Variants in ERAP1 observed in about 807,000 individuals in gnomAD.
The protein encoded by ERAP1 is endoplasmic reticulum aminopeptidase 1.
A neutral mutation model predicts 103.7 loss-of-function variants in ERAP1; 86 were observed. The ratio of observed to expected loss-of-function variants is 0.83; its 90% CI spans 0.70 to 0.99. The LOEUF is 0.99. Among genes scored for constraint, ERAP1 ranks in the 50% least tolerant of loss-of-function variants. The pLI is 0.00. For synonymous variants in ERAP1, 398 were observed against 402.4 expected (o/e 0.99, Z 0.13); for missense variants, 1,009 against 1,128.4 (o/e 0.89, Z 1.52).
At chr5:96,867,327 G>A in the ERAP1 span, among the ~76,000 whole-genome samples, 4 of 152,044 alleles carry the variant, frequency 2.6e-5, no homozygotes, top group Non-Finnish European at 5.9e-5. Flanking sequence ...ATTATACCCT[G>A]TGCTTTAGTT....
At chr5:96,856,681 A>G in the ERAP1 span, among the ~76,000 whole-genome samples, 29 of 152,100 alleles carry the variant, frequency 1.9e-4, no homozygotes, top group Non-Finnish European at 3.8e-4. Flanking sequence ...CTTTGGCCAT[A>G]GATCCCTGAC....
In ERAP1 at chr5:96,803,612, G is replaced by A. The variant is rs1218981413; in HGVS notation, c.315C>T (p.Ala105=). The change falls in exon 2 of 19, where the codon GCC becomes GCT. Residue 105 remains alanine, a synonymous_variant. Coordinates refer to ENST00000443439, the MANE Select transcript of ERAP1 (RefSeq NM_001040458.3). ...TCTCTCCAGCTCCCTTCCTGAGGGT[G>A]GCCCTAGATATCTGCAGGTGGTGAC... The part of the protein sequence containing the change: ...LHSHHLQISR[A]TLRKGAGERL... The A allele has an allele frequency of 6.2e-7, 1 of 1,614,182 alleles. No individual in the cohort carries two copies. Among genetic ancestry groups the A allele is most frequent in the Non-Finnish European group, 8.5e-7 (1 of 1,180,034 alleles).
intron 18 of ERAP1, chr5:96,776,935 A>G (rs1344720403): frequency 5.1e-6 from 1 of 196,238 alleles, no homozygotes; most frequent in African/African-American, 2.4e-5. Flanking sequence ...TTCTTTGCCA[A>G]GCAAAACAGT....
chr5:96,774,873 C>CTAT lies in ERAP1; in HGVS notation c.*1520_*1522dup. 3 of 985,346 alleles carry CTAT rather than the reference C, an allele frequency of 3.0e-6. No homozygotes were observed. The highest frequency in any genetic ancestry group is 3.6e-6 in the Non-Finnish European group (3 of 829,812). The allele number at this position is 985,346 out of a possible 1,614,324, so 61.0% of individuals were successfully genotyped here. A position where few individuals can be genotyped will look rare whatever the true frequency, so the allele number is the denominator to read the frequency against. On this transcript the variant is annotated 3_prime_UTR_variant, in exon 19 of 19. Transcript: ENST00000443439. Reference sequence around the variant, plus strand: ...GGCAGATTTATGTCCAGAAGTCACTCTATTTTGTCGTGTATTAGGGGAACA... The same window carrying CTAT: ...GGCAGATTTATGTCCAGAAGTCACTCTATTATTTTGTCGTGTATTAGGGGAACA...
At chr5:96,768,535 T>C (rs1193715150) in intron 19 of ERAP1, 1 of 371,936 alleles carries the variant, frequency 2.7e-6, no homozygotes, top group East Asian at 7.6e-5. Flanking sequence ...TACATAATTA[T>C]ACTTACAGTC....
chr5:96,909,977 C>T, the ERAP1 span: 11 of 465,650 alleles, frequency 2.4e-5, no homozygotes, highest in East Asian at 3.7e-5. Context: ...TCCATTATTC[C>T]GGTGCTGGCT....
the ERAP1 span, chr5:96,873,684 C>CA: frequency 7.2e-5 from 23 of 321,090 alleles, no homozygotes; most frequent in African/African-American, 1.9e-4. Flanking sequence ...TAAGGAAAAA[C>CA]AAAAAACAAA....
chr5:96,826,204 T>G, the ERAP1 span, among the ~76,000 whole-genome samples: 1 of 152,230 alleles, frequency 6.6e-6, no homozygotes, highest in South Asian at 2.1e-4. Flanking sequence ...TGTATGCTGT[T>G]AGCTGCAGTA....
intron 2 of ERAP1, among the ~76,000 whole-genome samples, chr5:96,802,285 T>G (rs1418182529): frequency 6.6e-6 from 1 of 152,090 alleles, no homozygotes; most frequent in Non-Finnish European, 1.5e-5. Flanking sequence ...AATAAAATCA[T>G]TAAAAAGATG....
chr5:96,811,600 A>G (rs1194707880), upstream of ERAP1, among the ~76,000 whole-genome samples: 1 of 152,214 alleles, frequency 6.6e-6, no homozygotes, highest in Non-Finnish European at 1.5e-5. Flanking sequence ...AAGAGGACCA[A>G]TGCTTTCCTT....
At chr5:96,884,034 TTATCTATCTATCTATCTATC>T in the ERAP1 span, 16,814 of 603,528 alleles carry the variant, frequency 0.028, 349 homozygotes, top group South Asian at 0.035. Context: ...TAATTTGTTT[TTATCTATCTATCTATCTATC>T]TATCTATCTA....
At chr5:96,881,442 G>A in the ERAP1 span, 3 of 456,110 alleles carry the variant, frequency 6.6e-6, no homozygotes, top group South Asian at 3.1e-5. Flanking sequence ...TTCATAGAGT[G>A]GACGGCTTGG....
chr5:96,783,845 ACACACACACAT>A, intron 14 of ERAP1, 68 bp downstream of exon 14: 1 of 388,114 alleles, frequency 2.6e-6, no homozygotes, highest in Non-Finnish European at 3.4e-6. Flanking sequence ...ACACACACAC[ACACACACACAT>A]ACACACACAA....
chr5:96,803,112 C>T (rs561601452), intron 2 of ERAP1, among the ~76,000 whole-genome samples: 6 of 152,162 alleles, frequency 3.9e-5, no homozygotes, highest in African/African-American at 1.4e-4. Context: ...AACTAATACA[C>T]AGTTCAGGAA....
chr5:96,781,239 G>T, intron 16 of ERAP1, 41 bp from the exon 17 acceptor site: 1 of 1,586,766 alleles, frequency 6.3e-7, no homozygotes, highest in Non-Finnish European at 8.6e-7. Context: ...ATGAATAGGT[G>T]ATGAAACAGT....
chr5:96,931,436 T>C, the ERAP1 span, among the ~76,000 whole-genome samples: 6 of 152,176 alleles, frequency 3.9e-5, no homozygotes, highest in Non-Finnish European at 1.5e-5. Context: ...GAATTGCAGG[T>C]GTGAGCTATT....
chr5:96,873,111 C>A, the ERAP1 span, among the ~76,000 whole-genome samples: 1 of 151,998 alleles, frequency 6.6e-6, no homozygotes, highest in African/African-American at 2.4e-5. Context: ...ATCACTTGAA[C>A]CCAGGAGGCG....
chr5:96,869,069 T>C, the ERAP1 span, among the ~76,000 whole-genome samples: 2 of 151,778 alleles, frequency 1.3e-5, no homozygotes, highest in African/African-American at 4.8e-5. Context: ...TTGTTACCAC[T>C]AGATGAAGCT....
the ERAP1 span, among the ~76,000 whole-genome samples, chr5:96,906,997 C>T: frequency 6.6e-6 from 1 of 152,226 alleles, no homozygotes; most frequent in Non-Finnish European, 1.5e-5. Context: ...CATTGCACTC[C>T]AGCCTGGGCA....
Sources: gnomAD v4.1 joint callset for allele counts (sites outside exome capture counted in the v4.1 genomes callset) on GRCh38, gnomAD v4.1.1 for gene constraint, MANE v1.5 for transcripts, NCBI Gene and HGNC (gene_info 2026-07-23, HGNC 2026-07-21) for gene names.